Variants in LRIG3 observed in about 807,000 individuals in gnomAD.
LRIG3 encodes the protein leucine rich repeats and immunoglobulin like domains 3.
LRIG3 carries 76 observed loss-of-function variants against 114.5 expected under a neutral mutation model. That is an observed-to-expected ratio of 0.66 (90% CI 0.55 to 0.80). The LOEUF (loss-of-function observed/expected upper bound fraction) is 0.80, where lower values mean the gene tolerates loss of function less well. Among genes scored for constraint, LRIG3 ranks in the 30% least tolerant of loss-of-function variants. LRIG3 has a pLI of 0.00. For missense variants in LRIG3, 1,239 were observed against 1,382.8 expected (o/e 0.90, Z 1.65); for synonymous variants, 512 against 519.8 (o/e 0.98, Z 0.20).
chr12:58,914,324 G>A lies in LRIG3; in HGVS notation c.249C>T (p.His83=). The A allele has an allele frequency of 6.2e-7, 1 of 1,613,328 alleles. No individual in the cohort carries two copies. Among genetic ancestry groups the A allele is most frequent in the Non-Finnish European group, 8.5e-7 (1 of 1,179,410 alleles). Residue 83 remains histidine, a synonymous_variant, in exon 2 of 19, where the codon CAC becomes CAT. Transcript: ENST00000320743. ...TTGCCTTGATGAAAGATAATCTGTT[G>A]TGACTTAAGTCCCTATAAGAAAACA... ...PSWVARLDLS[H]NRLSFIKASS... is the part of the protein sequence containing the mutation.
chr12:58,916,209 A>G (rs1348580637), intron 1 of LRIG3, among the ~76,000 whole-genome samples: 4 of 152,192 alleles, frequency 2.6e-5, no homozygotes, highest in African/African-American at 9.7e-5. Flanking sequence ...AAAGACCTGT[A>G]AAAAATAAGA....
intron 12 of LRIG3, among the ~76,000 whole-genome samples, chr12:58,882,412 C>T (rs936103225): frequency 5.3e-5 from 8 of 152,154 alleles, no homozygotes; most frequent in Non-Finnish European, 1.2e-4. Flanking sequence ...ATTCACATTT[C>T]CTATTACTTG....
At chr12:58,904,366 C>T (rs1047570099) in intron 3 of LRIG3, among the ~76,000 whole-genome samples, 9 of 152,166 alleles carry the variant, frequency 5.9e-5, no homozygotes, top group African/African-American at 2.2e-4. Flanking sequence ...TGTCTTGTCT[C>T]TCTTGGTAGA....
intron 10 of LRIG3, among the ~76,000 whole-genome samples, chr12:58,885,055 G>A (rs1197909296): frequency 6.6e-6 from 1 of 152,126 alleles, no homozygotes; most frequent in Non-Finnish European, 1.5e-5. Flanking sequence ...TTTCAGAAAT[G>A]TGTGCCAGGA....
At chr12:58,914,121 G>A in intron 2 of LRIG3, 65 bp from the exon 3 acceptor site, 4 of 1,550,414 alleles carry the variant, frequency 2.6e-6, no homozygotes, top group South Asian at 1.2e-5. Context: ...TCACAGAGGT[G>A]AAAACTTTAC....
intron 3 of LRIG3, among the ~76,000 whole-genome samples, chr12:58,909,924 A>C (rs1872214130): frequency 6.6e-6 from 1 of 152,320 alleles, no homozygotes; most frequent in Non-Finnish European, 1.5e-5. Context: ...GTCATTTGCC[A>C]CACTAAAGAC....
rs1265182714 is a variant in LRIG3, at chr12:58,877,724, C to G, written c.2212G>C (p.Val738Leu). The change falls in exon 15 of 19, where the codon GTG becomes CTG. Residue 738 changes from valine to leucine, a missense_variant. By Grantham distance (32) the Val-to-Leu change is conservative. Coordinates refer to ENST00000320743, the MANE Select transcript of LRIG3 (RefSeq NM_153377.5). ...LNWTKDDSPL[V>L]VTERHFFAAG... The stretch of plus-strand genomic sequence containing the variant: ...GCAAAAAAGTGCCTCTCGGTTACCA[C>G]CAATGGGCTATCATCTTTGGTCCAG... 2 of 1,614,194 alleles carry G rather than the reference C, an allele frequency of 1.2e-6. No individual in the cohort carries two copies. Among genetic ancestry groups the G allele is most frequent in the Non-Finnish European group, 1.7e-6 (2 of 1,180,038 alleles).
chr12:58,917,332 C>G (rs1212867316), intron 1 of LRIG3, among the ~76,000 whole-genome samples: 1 of 152,160 alleles, frequency 6.6e-6, no homozygotes, highest in Non-Finnish European at 1.5e-5. Flanking sequence ...GCAACTTTTC[C>G]GTCTCTGGGC....
rs576878520 is a variant in LRIG3 at position 58,890,893 on chromosome 12, G to A, written c.384-97C>T. The A allele has an allele frequency of 4.2e-6, 5 of 1,196,126 alleles. No individual in the cohort carries two copies. In the South Asian group the frequency reaches 7.6e-5, roughly 18 times the overall value. The allele number at this position is 1,196,126 out of a possible 1,614,324, so 74.1% of individuals were successfully genotyped here. A position where few individuals can be genotyped will look rare whatever the true frequency, so the allele number is the denominator to read the frequency against. On this transcript the variant is annotated intron_variant, in intron 3 of 18. Transcript: ENST00000320743. ...TTCCTGACTGGTTCTTCAGAAATATGGAACTGACTAATCTGAACAGTACTT... is the reference window on the plus strand; with the variant it reads ...TTCCTGACTGGTTCTTCAGAAATATAGAACTGACTAATCTGAACAGTACTT...
chr12:58,913,958 G>A (rs753800899), intron 3 of LRIG3, 24 bp downstream of exon 3: 22 of 1,595,762 alleles, frequency 1.4e-5, no homozygotes, highest in Admixed American at 1.7e-5. Context: ...ACATACATGA[G>A]GAATTCTGCT....
At position 58,879,064 on chromosome 12, in the gene LRIG3, G is replaced by A. The variant is rs774287101; in HGVS notation, c.1843C>T (p.Arg615Ter). Residue 615 changes from arginine (R) to a stop codon, truncating the protein, a stop_gained, in exon 14 of 19, where the codon CGA (arginine) becomes TGA (stop). Transcript: ENST00000320743. LOFTEE classifies it high-confidence loss of function. Reference protein sequence around the residue: ...FTKTPMDLTIRAGAMARLECA... With the variant: ...FTKTPMDLTI The stretch of plus-strand genomic sequence containing the variant: ...TCCAAGCGTGCCATGGCCCCAGCTC[G>A]GATGGTGAGATCCATGGGGGTCTTG... 8.7e-6 allele frequency: 14 copies of A among 1,613,908 alleles called. No homozygotes were observed. The highest frequency in any genetic ancestry group is 1.1e-5 in the South Asian group (1 of 91,078).
rs192178769 is a variant in LRIG3 at position 58,887,777 on chromosome 12, C to A, written c.1091+12G>T. ...TTACGTTCGAGTACTGACAGCAAAA[C>A]GTGTAACTTACAAAGTCTTTAAACT... On this transcript the variant is annotated intron_variant, in intron 8 of 18. Transcript: ENST00000320743. 47 of 1,611,608 alleles carry A rather than the reference C, an allele frequency of 2.9e-5. No individual in the cohort carries two copies. In the African/African-American group the frequency reaches 5.7e-4, roughly 20 times the overall value.
intron 14 of LRIG3, among the ~76,000 whole-genome samples, chr12:58,878,294 T>C (rs1224998973): frequency 6.6e-6 from 1 of 152,238 alleles, no homozygotes; most frequent in Non-Finnish European, 1.5e-5. Context: ...AATTTACTTT[T>C]ATTATTTAGT....
At chr12:58,888,781 A>G (rs936251260) in intron 6 of LRIG3, 38 bp downstream of exon 6, 3 of 1,605,502 alleles carry the variant, frequency 1.9e-6, no homozygotes, top group African/African-American at 2.7e-5. Context: ...TTCTATGATC[A>G]TACTACCTCA....
Position 58,878,859 on chromosome 12 carries a change from C to A in LRIG3, c.2048G>T (p.Gly683Val). 4 of 1,614,170 alleles carry A rather than the reference C, an allele frequency of 2.5e-6. No individual in the cohort carries two copies. Among genetic ancestry groups the A allele is most frequent in the Non-Finnish European group, 3.4e-6 (4 of 1,179,998 alleles). ...CAGAGTTGCATTTGCTGAAATACTT[C>A]CTGCACTGTTCTGAGCTGTGCAGCT... ...VYSCTAQNSAGSISANATLTV... is the reference protein window; with the variant it reads ...VYSCTAQNSAVSISANATLTV... Residue 683 changes from glycine to valine, a missense_variant, in exon 14 of 19, where the codon GGA (glycine) becomes GTA (valine). Transcript: ENST00000320743.
At chr12:58,872,872 T>C in intron 18 of LRIG3, 56 bp from the exon 19 acceptor site, 1 of 1,561,974 alleles carries the variant, frequency 6.4e-7, no homozygotes, top group Non-Finnish European at 8.6e-7. Flanking sequence ...TGTGAATCAA[T>C]AAAACCCATT....
At chr12:58,917,535 G>A (rs1235516399) in intron 1 of LRIG3, among the ~76,000 whole-genome samples, 1 of 152,032 alleles carries the variant, frequency 6.6e-6, no homozygotes, top group East Asian at 1.9e-4. Flanking sequence ...AGCATTAGAG[G>A]TTATTTTCTA....
intron 16 of LRIG3, among the ~76,000 whole-genome samples, chr12:58,874,972 A>G (rs775062210): frequency 6.6e-6 from 1 of 152,232 alleles, no homozygotes; most frequent in Admixed American, 6.5e-5. Context: ...TCATCTCATG[A>G]GTATCTGAAC....
At chr12:58,900,504 CATGCT>C (rs1176470758) in intron 3 of LRIG3, among the ~76,000 whole-genome samples, 1 of 152,138 alleles carries the variant, frequency 6.6e-6, no homozygotes, top group Non-Finnish European at 1.5e-5. Flanking sequence ...CTCAGTCCAT[CATGCT>C]TAATAGCACG....
Sources: allele counts gnomAD v4.1 joint callset (sites outside exome capture counted in the v4.1 genomes callset), GRCh38; gene constraint gnomAD v4.1.1; transcripts MANE v1.5; gene names NCBI Gene and HGNC (gene_info 2026-07-23, HGNC 2026-07-21).